Variants in KDM4B observed in about 807,000 individuals in gnomAD.
KDM4B encodes the protein lysine-specific demethylase 4B.
A neutral mutation model predicts 125.2 loss-of-function variants in KDM4B; 32 were observed. That is an observed-to-expected ratio of 0.26 (90% CI 0.19 to 0.34). The LOEUF is 0.34. Among genes scored for constraint, KDM4B ranks in the 10% least tolerant of loss-of-function variants. The pLI is 1.00. For missense variants in KDM4B, 1,190 were observed against 1,577.7 expected (o/e 0.75, Z 4.16); for synonymous variants, 721 against 677.9 (o/e 1.06, Z -0.99).
chr19:5,133,799 A>G (rs1000166644), intron 13 of KDM4B, 84 bp from the exon 14 acceptor site: 3 of 1,438,458 alleles, frequency 2.1e-6, no homozygotes, highest in Admixed American at 3.7e-5. Context: ...ACCCGGGGCC[A>G]TCCCCTGGGC....
In KDM4B at chr19:5,144,879, T is replaced by C. The variant is rs756425432; in HGVS notation, c.2998T>C (p.Ser1000Pro). 2.5e-6 allele frequency: 4 copies of C among 1,612,838 alleles called. No homozygotes were observed. Among genetic ancestry groups the C allele is most frequent in the South Asian group, 2.2e-5 (2 of 90,996 alleles). Residue 1000 changes from serine (S) to proline (P), a missense_variant, in exon 21 of 23, where the codon TCC becomes CCC. Coordinates refer to ENST00000159111, the MANE Select transcript of KDM4B (RefSeq NM_015015.3). ...CCTCTACAAGGCCAAGTTCATCTCC[T>C]CCGTCACCAGCCACATCTACCAGGT... is the stretch of plus-strand genomic sequence containing the variant. ...GNLYKAKFIS[S>P]VTSHIYQVEF...
At chr19:5,137,726 T>G in intron 17 of KDM4B, 50 bp downstream of exon 17, 1 of 1,503,398 alleles carries the variant, frequency 6.7e-7, no homozygotes. Flanking sequence ...GAGCCTGCCC[T>G]GGGCTGAGGC....
At chr19:5,150,315 A>G in intron 21 of KDM4B, 43 bp from the exon 22 acceptor site, 1 of 1,510,940 alleles carries the variant, frequency 6.6e-7, no homozygotes, top group South Asian at 1.2e-5. Flanking sequence ...AGCACCTGCC[A>G]TCCTGGCAGT....
At position 5,071,957 on chromosome 19, in the gene KDM4B, G is replaced by A. The variant is rs138541478; in HGVS notation, c.676+898G>A. On this transcript the variant is annotated intron_variant, in intron 7 of 22. Coordinates refer to ENST00000159111, the MANE Select transcript of KDM4B (RefSeq NM_015015.3). ...TTGGCAGGTGGACAGCTTGGGGTGC[G>A]TGAGGGGTGAGGGTCAGTGAGGGCC... 1.0e-3 allele frequency among the ~76,000 whole-genome samples: 152 copies of A among 152,330 alleles called. 1 individual carries two copies. The highest frequency in any genetic ancestry group is 8.8e-4 in the Non-Finnish European group (60 of 68,028).
rs1272077624 is a variant in KDM4B, at chr19:5,114,972, C to G, written c.1115+4154C>G. On this transcript the variant is annotated intron_variant, in intron 10 of 22. Coordinates refer to ENST00000159111, the MANE Select transcript of KDM4B (RefSeq NM_015015.3). The surrounding 1 kb of genome is among the most constrained non-coding windows in gnomAD (Gnocchi z 5.8). ...CCAGTTAAGCCTGGCAGGCTAAGTG[C>G]TTATTTATCTCCACTCTCTCCTGAA... Among the ~76,000 whole-genome samples the G allele has an allele frequency of 6.6e-6, 1 of 152,252 alleles. No individual in the cohort carries two copies. Among genetic ancestry groups the G allele is most frequent in the East Asian group, 1.9e-4 (1 of 5,198 alleles).
At chr19:5,011,560 G>A (rs1209069160) in intron 1 of KDM4B, among the ~76,000 whole-genome samples, 1 of 152,224 alleles carries the variant, frequency 6.6e-6, no homozygotes, top group Non-Finnish European at 1.5e-5. Context: ...CCCTTTTGAA[G>A]GCCACCTGGG....
rs956368575 is a variant in KDM4B at position 5,094,528 on chromosome 19, G to A, written c.918+12024G>A. Among the ~76,000 whole-genome samples the A allele has an allele frequency of 4.6e-5, 7 of 152,150 alleles. No homozygotes were observed. In the East Asian group the frequency reaches 7.7e-4, roughly 17 times the overall value. On this transcript the variant is annotated intron_variant, in intron 9 of 22. Transcript: ENST00000159111. Reference sequence around the variant, plus strand: ...GGCAGGGAGCCCGGCGTGGATGGCCGCCGTCTAGACGGGCATGGGGTCTGT... The same window carrying A: ...GGCAGGGAGCCCGGCGTGGATGGCCACCGTCTAGACGGGCATGGGGTCTGT...
chr19:5,039,519 C>T (rs923851940), intron 3 of KDM4B, among the ~76,000 whole-genome samples: 24 of 152,328 alleles, frequency 1.6e-4, no homozygotes, highest in African/African-American at 5.8e-4. Flanking sequence ...AACACACACA[C>T]GCCCAGTGCC....
chr19:4,974,240 G>A (rs545843595), intron 1 of KDM4B, among the ~76,000 whole-genome samples: 90 of 151,518 alleles, frequency 5.9e-4, no homozygotes, highest in Non-Finnish European at 8.4e-4. Flanking sequence ...TACTAAAAAT[G>A]CAAAAAAAAT....
At chr19:5,133,021 C>G (rs1371298165) in intron 13 of KDM4B, among the ~76,000 whole-genome samples, 1 of 152,188 alleles carries the variant, frequency 6.6e-6, no homozygotes, top group African/African-American at 2.4e-5. Flanking sequence ...TCTAGGTGAA[C>G]CAGGGGCAGT....
intron 2 of KDM4B, among the ~76,000 whole-genome samples, chr19:5,030,818 A>G (rs538819939): frequency 6.6e-6 from 1 of 152,374 alleles, no homozygotes; most frequent in African/African-American, 2.4e-5. Flanking sequence ...GGACCCGGGA[A>G]GTGCTGATGT....
At chr19:5,144,220 GC>G (rs1599271247) in intron 19 of KDM4B, 27 bp from the exon 20 acceptor site, 2 of 1,417,388 alleles carry the variant, frequency 1.4e-6, no homozygotes, top group Non-Finnish European at 9.6e-7. Flanking sequence ...CGCGCTGACC[GC>G]CCCCCACACC....
At chr19:5,014,139 G>A (rs955675904) in intron 1 of KDM4B, among the ~76,000 whole-genome samples, 2 of 152,258 alleles carry the variant, frequency 1.3e-5, no homozygotes, top group African/African-American at 4.8e-5. Flanking sequence ...TAGGGCATTT[G>A]TGAAACTTGC....
intron 6 of KDM4B, among the ~76,000 whole-genome samples, chr19:5,054,373 C>A (rs1220612999): frequency 6.6e-6 from 1 of 152,228 alleles, no homozygotes; most frequent in African/African-American, 2.4e-5. Context: ...GAGCCCAACC[C>A]TTTCCCAGTT....
chr19:5,123,500 T>C (rs1277987118), intron 11 of KDM4B, among the ~76,000 whole-genome samples: 1 of 152,142 alleles, frequency 6.6e-6, no homozygotes, highest in Non-Finnish European at 1.5e-5. Context: ...ACTCATTCCG[T>C]CTGCAGTGAC....
At chr19:5,007,088 C>T (rs2035584492) in intron 1 of KDM4B, among the ~76,000 whole-genome samples, 1 of 152,194 alleles carries the variant, frequency 6.6e-6, no homozygotes, top group South Asian at 2.1e-4. Context: ...CTAGAAGGGC[C>T]TTGGGGGAGG....
intron 9 of KDM4B, among the ~76,000 whole-genome samples, chr19:5,092,175 A>G (rs1391583228): frequency 6.6e-6 from 1 of 152,114 alleles, no homozygotes; most frequent in East Asian, 1.9e-4. Context: ...GTGGTCTGGA[A>G]AGAAGGCCTC....
rs868204453 is a variant in KDM4B, at chr19:5,137,319, C to A, written c.2366C>A (p.Ala789Glu). ...VNEGWTCSRC[A>E]AHAWTAECCL... ...GAAGGCTGGACGTGTTCCCGGTGCG[C>A]GGCCCACGCCTGGACTGCGGTAACT... Residue 789 changes from alanine to glutamate, a missense_variant, in exon 16 of 23, where the codon GCG becomes GAG. This residue lies in a region of KDM4B where 298 missense variants were observed against 439.7 expected (regional missense o/e 0.68). Transcript: ENST00000159111. 6.4e-7 allele frequency: 1 copy of A among 1,574,236 alleles called. No individual in the cohort carries two copies. The highest frequency in any genetic ancestry group is 8.6e-7 in the Non-Finnish European group (1 of 1,160,080).
rs371877679 is a variant in KDM4B, at chr19:5,110,828, C to G, written c.1115+10C>G. On this transcript the variant is annotated intron_variant, in intron 10 of 22. Transcript: ENST00000159111. Reference sequence around the variant, plus strand: ...CCAAGCTCCTCCGCAGGTGAGTTGCCAAGGGACTGCCGCGTGACTGCCCAG... The same window carrying G: ...CCAAGCTCCTCCGCAGGTGAGTTGCGAAGGGACTGCCGCGTGACTGCCCAG... 6 of 1,554,586 alleles carry G rather than the reference C, an allele frequency of 3.9e-6. No homozygotes were observed. Among genetic ancestry groups the G allele is most frequent in the Non-Finnish European group, 5.2e-6 (6 of 1,151,020 alleles).
Sources: gnomAD v4.1 joint callset for allele counts (sites outside exome capture counted in the v4.1 genomes callset) on GRCh38, gnomAD v4.1.1 for gene constraint, gnomAD v4.1.1 regional missense constraint, Gnocchi (gnomAD v3.1) non-coding constraint, MANE v1.5 for transcripts, NCBI Gene and HGNC (gene_info 2026-07-23, HGNC 2026-07-21) for gene names.